The following PLCXD3 variants were observed in gnomAD, a reference collection of about 807,000 sequenced individuals.
PLCXD3 encodes the protein PI-PLC X domain-containing protein 3.
A neutral mutation model predicts 25.5 loss-of-function variants in PLCXD3; 19 were observed. The observed-to-expected ratio is 0.75, with a 90% CI of 0.52 to 1.09. The LOEUF is 1.09. Among genes scored for constraint, PLCXD3 ranks in the 50% least tolerant of loss-of-function variants. The pLI is 0.00. For synonymous variants in PLCXD3, 174 were observed against 137.6 expected, an observed-to-expected ratio of 1.26 and a Z score of -1.85; for missense variants, 411 against 388.1, an observed-to-expected ratio of 1.06 and a Z score of -0.50.
intron 1 of PLCXD3, among the ~76,000 whole-genome samples, chr5:41,432,448 G>T (rs572703265): frequency 1.2e-4 from 18 of 151,704 alleles, no homozygotes; most frequent in South Asian, 6.2e-4. Context: ...AAAGTGGATG[G>T]GGGGATGGAG....
intron 2 of PLCXD3, among the ~76,000 whole-genome samples, chr5:41,351,941 G>A (rs1744473671): frequency 6.6e-6 from 1 of 151,990 alleles, no homozygotes; most frequent in East Asian, 1.9e-4. Context: ...TTTGAATAAA[G>A]GAGCAAAATA....
At chr5:41,407,963 G>C (rs1373111710) in intron 1 of PLCXD3, among the ~76,000 whole-genome samples, 1 of 152,132 alleles carries the variant, frequency 6.6e-6, no homozygotes, top group Non-Finnish European at 1.5e-5. Flanking sequence ...AATTTGAGAA[G>C]TCCTATTTTA....
intron 1 of PLCXD3, among the ~76,000 whole-genome samples, chr5:41,481,657 G>C (rs1748417264): frequency 6.6e-6 from 1 of 152,216 alleles, no homozygotes; most frequent in Non-Finnish European, 1.5e-5. Context: ...TAAATAACAA[G>C]TATGATATGA....
intron 1 of PLCXD3, among the ~76,000 whole-genome samples, chr5:41,477,336 A>G (rs1161642629): frequency 6.6e-6 from 1 of 152,192 alleles, no homozygotes; most frequent in Non-Finnish European, 1.5e-5. Flanking sequence ...AAAAACAAAA[A>G]CAAGTTTATT....
At chr5:41,432,450 G>GA (rs139412760) in intron 1 of PLCXD3, among the ~76,000 whole-genome samples, 3,409 of 152,266 alleles carry the variant, frequency 0.022, 145 homozygotes, top group African/African-American at 0.078. Context: ...AGTGGATGGG[G>GA]GGATGGAGAA....
chr5:41,507,854 C>A (rs188808817), intron 1 of PLCXD3, among the ~76,000 whole-genome samples: 1 of 152,300 alleles, frequency 6.6e-6, no homozygotes, highest in East Asian at 1.9e-4. Flanking sequence ...AAGCTATTAG[C>A]ATGATTTTAA....
chr5:41,369,530 G>C (rs1339370669), intron 2 of PLCXD3, among the ~76,000 whole-genome samples: 1 of 152,110 alleles, frequency 6.6e-6, no homozygotes, highest in Non-Finnish European at 1.5e-5. Flanking sequence ...ACCCAGGCTG[G>C]AGTACAGAGG....
intron 2 of PLCXD3, among the ~76,000 whole-genome samples, chr5:41,340,560 A>G (rs1744109845): frequency 6.6e-6 from 1 of 152,094 alleles, no homozygotes; most frequent in Non-Finnish European, 1.5e-5. Flanking sequence ...CTAGACAATG[A>G]CACTAGAGAT....
intron 1 of PLCXD3, among the ~76,000 whole-genome samples, chr5:41,387,034 C>A (rs1745659198): frequency 1.3e-5 from 2 of 152,044 alleles, no homozygotes; most frequent in South Asian, 2.1e-4. Context: ...CCTCACTGAG[C>A]ACTCCATCTG....
At position 41,370,368 on chromosome 5, in the gene PLCXD3, A is replaced by G. The variant is rs117098422; in HGVS notation, c.812+11458T>C. The stretch of plus-strand genomic sequence containing the variant: ...TCTGTAAAATCCTCCAAGGTCAGGT[A>G]TTCTGAGAAAATTTTATAGTTTTAA... On this transcript the variant is annotated intron_variant, in intron 2 of 2. Coordinates refer to ENST00000377801, the MANE Select transcript of PLCXD3 (RefSeq NM_001005473.3). Among the ~76,000 whole-genome samples the G allele has an allele frequency of 3.8e-4, 58 of 152,290 alleles. No homozygotes were observed. The East Asian group carries it at 7.1e-3, about 19-fold the overall frequency.
At chr5:41,319,283 A>T (rs1042489455) in intron 2 of PLCXD3, among the ~76,000 whole-genome samples, 1 of 152,174 alleles carries the variant, frequency 6.6e-6, no homozygotes, top group Non-Finnish European at 1.5e-5. Context: ...TTTACAGAAC[A>T]TTTCATCCAA....
intron 2 of PLCXD3, among the ~76,000 whole-genome samples, chr5:41,358,170 A>G (rs1026257773): frequency 3.5e-4 from 54 of 152,302 alleles, no homozygotes; most frequent in African/African-American, 1.3e-3. Flanking sequence ...GTTGAATTTT[A>G]TTTTAATTTT....
At chr5:41,409,527 C>T (rs1746456418) in intron 1 of PLCXD3, among the ~76,000 whole-genome samples, 1 of 152,140 alleles carries the variant, frequency 6.6e-6, no homozygotes, top group Non-Finnish European at 1.5e-5. Flanking sequence ...TCCAACCCTC[C>T]CCTGCTGCCT....
intron 1 of PLCXD3, among the ~76,000 whole-genome samples, chr5:41,503,690 C>A (rs536275619): frequency 6.6e-6 from 1 of 152,272 alleles, no homozygotes; most frequent in East Asian, 1.9e-4. Flanking sequence ...TTTTCCCTTC[C>A]TTCTGGAATA....
At chr5:41,358,121 A>G (rs1744670707) in intron 2 of PLCXD3, among the ~76,000 whole-genome samples, 1 of 152,154 alleles carries the variant, frequency 6.6e-6, no homozygotes, top group Non-Finnish European at 1.5e-5. Context: ...AAAACCTTGT[A>G]TGATTGTTAC....
chr5:41,315,731 C>T (rs915795108), intron 2 of PLCXD3, among the ~76,000 whole-genome samples: 1 of 152,184 alleles, frequency 6.6e-6, no homozygotes, highest in Non-Finnish European at 1.5e-5. Context: ...TGGAGAGCAT[C>T]TCTGGGCTCT....
At chr5:41,504,673 C>T (rs971788916) in intron 1 of PLCXD3, among the ~76,000 whole-genome samples, 5 of 152,154 alleles carry the variant, frequency 3.3e-5, no homozygotes, top group Non-Finnish European at 7.4e-5. Context: ...GGGGATAAAA[C>T]TATGGAAGCA....
At chr5:41,342,533 T>C (rs1227206453) in intron 2 of PLCXD3, among the ~76,000 whole-genome samples, 1 of 152,162 alleles carries the variant, frequency 6.6e-6, no homozygotes, top group African/African-American at 2.4e-5. Flanking sequence ...GGTTCACAAA[T>C]GATATCTTCT....
intron 1 of PLCXD3, among the ~76,000 whole-genome samples, chr5:41,401,651 G>A (rs1746189919): frequency 6.6e-6 from 1 of 151,880 alleles, no homozygotes; most frequent in Admixed American, 6.6e-5. Context: ...CTATTATAAC[G>A]AGACTCTTGA....
Sources: gnomAD v4.1 joint callset for allele counts (sites outside exome capture counted in the v4.1 genomes callset) on GRCh38, gnomAD v4.1.1 for gene constraint, MANE v1.5 for transcripts, NCBI Gene and HGNC (gene_info 2026-07-23, HGNC 2026-07-21) for gene names.